The following JAK1 variants were observed in gnomAD, a reference collection of about 807,000 sequenced individuals.
JAK1 encodes the protein tyrosine-protein kinase JAK1.
A neutral mutation model predicts 136.6 loss-of-function variants in JAK1; 16 were observed. The ratio of observed to expected loss-of-function variants is 0.12; its 90% CI spans 0.08 to 0.18. JAK1 has a LOEUF of 0.18. Among genes scored for constraint, JAK1 ranks in the 10% least tolerant of loss-of-function variants. JAK1 has a pLI of 1.00. For missense variants in JAK1, 859 were observed against 1,450.1 expected (o/e 0.59, Z 6.62); for synonymous variants, 492 against 519.5 (o/e 0.95, Z 0.72).
intron 4 of JAK1, among the ~76,000 whole-genome samples, chr1:64,875,320 G>T (rs1657333370): frequency 6.6e-6 from 1 of 152,198 alleles, no homozygotes; most frequent in Non-Finnish European, 1.5e-5. Context: ...CGAAAGCCAG[G>T]CACATATGAG....
In JAK1 at chr1:64,846,656, G is replaced by A. The variant is rs375879043; in HGVS notation, c.1980C>T (p.Asp660=). Residue 660 remains aspartate (D), a synonymous_variant, in exon 14 of 25, where the codon GAC becomes GAT. Transcript: ENST00000342505. The part of the protein sequence containing the change: ...IVYLYGVCVR[D]VENIMVEEFV... ...GAAAGAGAACACACTTACTCTCCAC[G>A]TCGCGGACACAGACGCCATAGAGGT... is the stretch of plus-strand genomic sequence containing the variant. The A allele has an allele frequency of 3.7e-6, 6 of 1,613,116 alleles. No individual in the cohort carries two copies. Among genetic ancestry groups the A allele is most frequent in the Non-Finnish European group, 5.1e-6 (6 of 1,179,348 alleles).
intron 1 of JAK1, among the ~76,000 whole-genome samples, chr1:65,060,545 T>C (rs1371950960): frequency 6.6e-6 from 1 of 152,166 alleles, no homozygotes. Context: ...ACTAAACATT[T>C]TTGGTAAAGT....
Position 64,844,926 on chromosome 1 carries a change from C to T in JAK1, c.2116-37G>A, listed in dbSNP as rs1655133150. 6.2e-7 allele frequency: 1 copy of T among 1,613,608 alleles called. No individual in the cohort carries two copies. ...AAAGGTCAAGTTTAGCCAAGCTGCT[C>T]CTTCCCGCATTCTATTTCCAACCCT... On this transcript the variant is annotated intron_variant, in intron 15 of 24. Transcript: ENST00000342505. The surrounding 1 kb of genome is among the most constrained non-coding windows in gnomAD (Gnocchi z 5.7).
At chr1:64,860,870 A>T (rs1656275139) in intron 8 of JAK1, among the ~76,000 whole-genome samples, 3 of 94,914 alleles carry the variant, frequency 3.2e-5, no homozygotes, top group African/African-American at 3.8e-5. Context: ...GTTGGGGGTG[A>T]CGCGGTGGGG....
chr1:64,970,134 C>CAAAAAAAAA (rs1232133832), upstream of JAK1, among the ~76,000 whole-genome samples: 2,347 of 49,482 alleles, frequency 0.047, 707 homozygotes, highest in Middle Eastern at 0.12. Flanking sequence ...GACCCTGTCT[C>CAAAAAAAAA]AAAAAAAAAA....
intron 1 of JAK1, among the ~76,000 whole-genome samples, chr1:64,917,390 A>T (rs564972675): frequency 1.3e-5 from 2 of 152,280 alleles, no homozygotes; most frequent in African/African-American, 4.8e-5. Context: ...ATAACAGGAG[A>T]CAGGCTCCAA....
At chr1:65,030,022 C>T (rs1647009207) in intron 2 of JAK1, among the ~76,000 whole-genome samples, 1 of 152,026 alleles carries the variant, frequency 6.6e-6, no homozygotes, top group Admixed American at 6.6e-5. Flanking sequence ...TTTTGAAGCC[C>T]TAATCCCCCA....
intron 1 of JAK1, among the ~76,000 whole-genome samples, chr1:64,938,432 T>A (rs1369341437): frequency 6.6e-6 from 1 of 152,206 alleles, no homozygotes; most frequent in African/African-American, 2.4e-5. Flanking sequence ...GCATTTATAC[T>A]TGTCTGAACT....
chr1:64,850,963 A>C, intron 11 of JAK1, 53 bp from the exon 12 acceptor site: 86 of 1,274,522 alleles, frequency 6.7e-5, no homozygotes, highest in Non-Finnish European at 9.0e-5. Flanking sequence ...CCGAGCTCTC[A>C]GACAGCCAAC....
chr1:64,920,602 A>AATTAC (rs1306811790), intron 1 of JAK1, among the ~76,000 whole-genome samples: 1 of 152,196 alleles, frequency 6.6e-6, no homozygotes, highest in East Asian at 1.9e-4. Flanking sequence ...AATTAAATTA[A>AATTAC]TGCTGGCAGT....
chr1:64,935,537 G>A (rs1004685952), intron 1 of JAK1, among the ~76,000 whole-genome samples: 4 of 151,810 alleles, frequency 2.6e-5, no homozygotes, highest in Non-Finnish European at 2.9e-5. Context: ...TCCTGACCTC[G>A]TGATCTGCCT....
chr1:64,863,481 C>G (rs1322306806), intron 8 of JAK1, among the ~76,000 whole-genome samples: 2 of 152,110 alleles, frequency 1.3e-5, no homozygotes, highest in Admixed American at 1.3e-4. Context: ...TTCTACTTCT[C>G]CCTCTTCACT....
At chr1:64,869,773 T>C (rs560691595) in intron 5 of JAK1, among the ~76,000 whole-genome samples, 1 of 152,354 alleles carries the variant, frequency 6.6e-6, no homozygotes, top group Admixed American at 6.5e-5. Flanking sequence ...CACTGTGTAC[T>C]AGGCCTGGAC....
chr1:64,906,030 G>A (rs1439222689), intron 1 of JAK1, among the ~76,000 whole-genome samples: 7 of 152,108 alleles, frequency 4.6e-5, no homozygotes, highest in South Asian at 2.1e-4. Context: ...TCAGAACTCC[G>A]ATCTCAAATA....
chr1:65,001,172 A>G (rs1056865352), intron 2 of JAK1, among the ~76,000 whole-genome samples: 5 of 152,244 alleles, frequency 3.3e-5, no homozygotes, highest in Non-Finnish European at 7.3e-5. Flanking sequence ...AGATCTCATC[A>G]TGTTAGAAAA....
At chr1:64,913,263 C>T (rs941254580) in intron 1 of JAK1, among the ~76,000 whole-genome samples, 1 of 151,982 alleles carries the variant, frequency 6.6e-6, no homozygotes, top group Non-Finnish European at 1.5e-5. Flanking sequence ...ATTTACTGTA[C>T]CAACTAGGAG....
chr1:64,963,534 T>A (rs529145966), intron 1 of JAK1, among the ~76,000 whole-genome samples: 1 of 152,322 alleles, frequency 6.6e-6, no homozygotes, highest in Admixed American at 6.5e-5. Context: ...GGCGGCTTTT[T>A]ACTCAACATA....
intron 2 of JAK1, chr1:64,986,066 A>G: frequency 8.4e-7 from 1 of 1,191,704 alleles, no homozygotes; most frequent in Non-Finnish European, 1.2e-6. Context: ...CGAAGATCAG[A>G]GATGGGGTGA....
intron 7 of JAK1, among the ~76,000 whole-genome samples, chr1:64,865,472 A>G (rs772960479): frequency 1.3e-5 from 2 of 152,194 alleles, no homozygotes; most frequent in Non-Finnish European, 2.9e-5. Flanking sequence ...CACACTGAAT[A>G]ATATATATCT....
Sources: allele counts gnomAD v4.1 joint callset (sites outside exome capture counted in the v4.1 genomes callset), GRCh38; gene constraint gnomAD v4.1.1; non-coding constraint Gnocchi (gnomAD v3.1); transcripts MANE v1.5; gene names NCBI Gene and HGNC (gene_info 2026-07-23, HGNC 2026-07-21).